PHF7: variants seen among roughly 807,000 people sequenced by gnomAD.
PHF7 encodes E3 ubiquitin-protein ligase PHF7.
In PHF7, 24 loss-of-function variants were observed where a neutral mutation model predicts 47.5. The ratio of observed to expected loss-of-function variants is 0.51; its 90% CI spans 0.37 to 0.71. PHF7 has a LOEUF of 0.71. Ranked by LOEUF, PHF7 falls within the 30% of genes least tolerant of loss-of-function variation. The pLI, the probability that PHF7 is intolerant of heterozygous loss-of-function variation, is 0.00. For synonymous variants in PHF7, 156 were observed against 153.8 expected, an observed-to-expected ratio of 1.01 and a Z score of -0.11; for missense variants, 361 against 456.8, an observed-to-expected ratio of 0.79 and a Z score of 1.91.
In PHF7 at chr3:52,423,299, C is replaced by T. The variant is rs777325576; in HGVS notation, c.1128C>T (p.Ser376=). The part of the protein sequence containing the change: ...WRSKGVRITN[S]CKKSK ...CCAAGGGTGTCAGAATCACTAACAG[C>T]TGCAAAAAATCCAAGTAACACCTTC... The change falls in exon 11 of 11, where the codon AGC becomes AGT. Residue 376 remains serine (S), a synonymous_variant. Transcript: ENST00000327906. 1 of 1,611,810 alleles carries T rather than the reference C, an allele frequency of 6.2e-7. No individual in the cohort carries two copies. Among genetic ancestry groups the T allele is most frequent in the Non-Finnish European group, 8.5e-7 (1 of 1,178,198 alleles).
At chr3:52,423,009 A>C in intron 10 of PHF7, 82 bp from the exon 11 acceptor site, 1 of 1,502,098 alleles carries the variant, frequency 6.7e-7, no homozygotes, top group South Asian at 1.2e-5. Context: ...TTTGGAAGGA[A>C]AGTAGCTAGA....
At chr3:52,414,403 C>T in intron 3 of PHF7, 93 bp from the exon 4 acceptor site, 1 of 777,526 alleles carries the variant, frequency 1.3e-6, no homozygotes, top group Non-Finnish European at 2.2e-6. Flanking sequence ...GTATTCTACT[C>T]CTTCCTGACT....
chr3:52,415,053 G>A (rs188976360), intron 4 of PHF7, among the ~76,000 whole-genome samples: 1 of 152,060 alleles, frequency 6.6e-6, no homozygotes, highest in Admixed American at 6.5e-5. Context: ...AGTAAGTTCA[G>A]TAAAAAAGTC....
intron 4 of PHF7, among the ~76,000 whole-genome samples, chr3:52,416,280 G>A (rs1482908612): frequency 6.6e-6 from 1 of 150,808 alleles, no homozygotes; most frequent in African/African-American, 2.4e-5. Flanking sequence ...CCACCTCCCG[G>A]GTTGGAGCAA....
rs755473915 is a variant in PHF7 at position 52,423,296 on chromosome 3, C to T, written c.1125C>T (p.Asn375=). 90 of 1,612,462 alleles carry T rather than the reference C, an allele frequency of 5.6e-5. No homozygotes were observed. The highest frequency in any genetic ancestry group is 7.6e-5 in the Non-Finnish European group (89 of 1,178,786). The change falls in exon 11 of 11, where the codon AAC becomes AAT. Residue 375 remains asparagine (N), a synonymous_variant. Coordinates refer to ENST00000327906, the MANE Select transcript of PHF7 (RefSeq NM_016483.7). ...GGTCCAAGGGTGTCAGAATCACTAACAGCTGCAAAAAATCCAAGTAACACC... is the reference window on the plus strand; with the variant it reads ...GGTCCAAGGGTGTCAGAATCACTAATAGCTGCAAAAAATCCAAGTAACACC... ...SWRSKGVRIT[N]SCKKSK
At chr3:52,417,472 G>A (rs1375763136) in intron 4 of PHF7, among the ~76,000 whole-genome samples, 2 of 152,150 alleles carry the variant, frequency 1.3e-5, no homozygotes, top group African/African-American at 2.4e-5. Flanking sequence ...TCTCAGCAAT[G>A]TTTTGTTGTT....
rs1705768696 is a variant in PHF7 at position 52,420,945 on chromosome 3, T to C, written c.456T>C (p.His152=). 6.2e-7 allele frequency: 1 copy of C among 1,613,448 alleles called. No individual in the cohort carries two copies. The highest frequency in any genetic ancestry group is 1.3e-5 in the African/African-American group (1 of 74,904). Residue 152 remains histidine, a synonymous_variant, in exon 7 of 11, where the codon CAT becomes CAC. Coordinates refer to ENST00000327906, the MANE Select transcript of PHF7 (RefSeq NM_016483.7). The part of the protein sequence containing the change: ...DKHRPTQNIQ[H]GHVGEESCIL... ...ATCGCCCAACACAGAACATCCAACA[T>C]GGGCATGTGGGGGAGGAAAGCTGCA...
At position 52,420,998 on chromosome 3, in the gene PHF7, A is replaced by G; in HGVS notation, c.509A>G (p.Gln170Arg). The G allele has an allele frequency of 6.2e-7, 1 of 1,613,882 alleles. No homozygotes were observed. The highest frequency in any genetic ancestry group is 1.7e-4 in the Middle Eastern group (1 of 6,054). Reference sequence around the variant, plus strand: ...TTATGTTGTGAAGACTTATCCCAACAGAGTGTTGAGAACATCCAGAGCCCG... The same window carrying G: ...TTATGTTGTGAAGACTTATCCCAACGGAGTGTTGAGAACATCCAGAGCCCG... ...CILCCEDLSQ[Q>R]SVENIQSPCC... The change falls in exon 7 of 11, where the codon CAG becomes CGG. Residue 170 changes from glutamine (Q) to arginine (R), a missense_variant. By Grantham distance (43) the Gln-to-Arg change is conservative (BLOSUM62 1). Coordinates refer to ENST00000327906, the MANE Select transcript of PHF7 (RefSeq NM_016483.7).
chr3:52,422,376 G>A, intron 9 of PHF7, 38 bp downstream of exon 9: 2 of 1,290,296 alleles, frequency 1.6e-6, no homozygotes, highest in Non-Finnish European at 2.3e-6. Context: ...GCTCTCATCA[G>A]TGCTATCTTA....
intron 4 of PHF7, among the ~76,000 whole-genome samples, chr3:52,418,453 T>G (rs542339861): frequency 6.6e-6 from 1 of 152,318 alleles, no homozygotes; most frequent in South Asian, 2.1e-4. Context: ...AAAACATGAA[T>G]GATACTTAAA....
intron 1 of PHF7, among the ~76,000 whole-genome samples, chr3:52,412,123 A>T (rs1279721314): frequency 6.6e-6 from 1 of 151,982 alleles, no homozygotes; most frequent in Non-Finnish European, 1.5e-5. Context: ...CAGGAAGATC[A>T]TCTGAGCCTA....
chr3:52,414,126 C>T, intron 3 of PHF7, 78 bp downstream of exon 3: 1 of 908,888 alleles, frequency 1.1e-6, no homozygotes, highest in South Asian at 1.4e-5. Context: ...GGGCAGTATA[C>T]TTGCTTCTTC....
intron 4 of PHF7, among the ~76,000 whole-genome samples, chr3:52,418,259 T>G (rs948751828): frequency 1.3e-5 from 2 of 152,226 alleles, no homozygotes; most frequent in South Asian, 4.1e-4. Flanking sequence ...AGGGCTTAGT[T>G]ATAATTTTGA....
chr3:52,413,019 G>A, intron 2 of PHF7, 99 bp downstream of exon 2: 2 of 892,868 alleles, frequency 2.2e-6, no homozygotes, highest in South Asian at 1.4e-5. Flanking sequence ...TGGGGGTTGA[G>A]GTTGGACAGT....
intron 10 of PHF7, 76 bp from the exon 11 acceptor site, chr3:52,423,015 C>G (rs1705840958): frequency 2.7e-6 from 4 of 1,491,720 alleles, no homozygotes; most frequent in Non-Finnish European, 2.8e-6. Context: ...AGGAAAGTAG[C>G]TAGAGAGGAG....
At position 52,420,931 on chromosome 3, in the gene PHF7, C is replaced by T; in HGVS notation, c.442C>T (p.Gln148Ter). 1 of 1,612,856 alleles carries T rather than the reference C, an allele frequency of 6.2e-7. No individual in the cohort carries two copies. The highest frequency in any genetic ancestry group is 8.5e-7 in the Non-Finnish European group (1 of 1,179,392). Residue 148 changes from glutamine (Q) to a stop codon, truncating the protein, a stop_gained, in exon 7 of 11, where the codon CAG becomes TAG. Transcript: ENST00000327906. LOFTEE classifies it high-confidence loss of function. ...KSFCDKHRPT[Q>*]NIQHGHVGEE... ...ATTTTGTGACAAACATCGCCCAACA[C>T]AGAACATCCAACATGGGCATGTGGG...
intron 7 of PHF7, among the ~76,000 whole-genome samples, chr3:52,421,293 T>TG (rs1705781921): frequency 6.6e-6 from 1 of 152,190 alleles, no homozygotes; most frequent in African/African-American, 2.4e-5. Context: ...TCTTCAGCAT[T>TG]GCTAGAGCAA....
rs1159255027 is a variant in PHF7, at chr3:52,414,047, T to C, written c.93T>C (p.Pro31=). The C allele has an allele frequency of 6.2e-7, 1 of 1,609,144 alleles. No individual in the cohort carries two copies. The highest frequency in any genetic ancestry group is 2.2e-5 in the East Asian group (1 of 44,860). Reference sequence around the variant, plus strand: ...CCCAGAGGAAACCGTCTTCAGGGCCTGGTAAGAAAGACTGGAGCTTGTGTT... The same window carrying C: ...CCCAGAGGAAACCGTCTTCAGGGCCCGGTAAGAAAGACTGGAGCTTGTGTT... ...RVTQRKPSSG[P]VCWLCLREPG... The change falls in exon 3 of 11, where the codon CCT becomes CCC. Residue 31 remains proline (P), a splice_region_variant and synonymous_variant. Transcript: ENST00000327906.
chr3:52,413,272 A>T (rs1217836528), intron 2 of PHF7, among the ~76,000 whole-genome samples: 1 of 152,198 alleles, frequency 6.6e-6, no homozygotes, highest in Non-Finnish European at 1.5e-5. Context: ...CTGTAGATTA[A>T]TTGAGCCAAT....
Sources: gnomAD v4.1 joint callset for allele counts (sites outside exome capture counted in the v4.1 genomes callset) on GRCh38, gnomAD v4.1.1 for gene constraint, MANE v1.5 for transcripts, NCBI Gene and HGNC (gene_info 2026-07-23, HGNC 2026-07-21) for gene names.